MEGF11: variants seen among roughly 807,000 people sequenced by gnomAD.
MEGF11 encodes multiple EGF like domains 11.
A neutral mutation model predicts 146.6 loss-of-function variants in MEGF11; 126 were observed. The ratio of observed to expected loss-of-function variants is 0.86; its 90% CI spans 0.74 to 1.00. MEGF11 has a LOEUF of 1.00. MEGF11 is among the 50% of genes least tolerant of loss of function. The pLI is 0.00. For synonymous variants in MEGF11, 532 were observed against 583.4 expected (o/e 0.91, Z 1.27); for missense variants, 1,509 against 1,521.2 (o/e 0.99, Z 0.13).
chr15:66,038,338 A>G (rs1001123599), intron 5 of MEGF11, among the ~76,000 whole-genome samples: 1 of 152,158 alleles, frequency 6.6e-6, no homozygotes, highest in African/African-American at 2.4e-5. Flanking sequence ...CTATTTGACC[A>G]TGGGCATGTC....
At chr15:66,184,759 G>A (rs1336987655) in intron 1 of MEGF11, among the ~76,000 whole-genome samples, 1 of 151,172 alleles carries the variant, frequency 6.6e-6, no homozygotes, top group Non-Finnish European at 1.5e-5. Flanking sequence ...GTTTCCGTCT[G>A]CTCAGGATCT....
chr15:65,900,559 A>G (rs927976797), intron 24 of MEGF11, among the ~76,000 whole-genome samples: 3 of 152,230 alleles, frequency 2.0e-5, no homozygotes, highest in Admixed American at 6.5e-5. Context: ...ATGTTCAGCC[A>G]TTAGTTCCTT....
chr15:65,954,230 C>T (rs946026756), intron 10 of MEGF11, among the ~76,000 whole-genome samples: 2 of 152,146 alleles, frequency 1.3e-5, no homozygotes, highest in African/African-American at 4.8e-5. Flanking sequence ...AGGATAAAGG[C>T]GCGTACATAC....
chr15:66,127,050 G>A (rs2140953839), intron 2 of MEGF11, among the ~76,000 whole-genome samples: 1 of 152,318 alleles, frequency 6.6e-6, no homozygotes, highest in Middle Eastern at 3.4e-3. Flanking sequence ...AAGCACTTTT[G>A]TGAAACGGCT....
intron 5 of MEGF11, among the ~76,000 whole-genome samples, chr15:66,010,162 A>T (rs1596986095): frequency 1.2e-4 from 1 of 8,148 alleles, no homozygotes; most frequent in Admixed American, 1.5e-3. Flanking sequence ...CTGATTAGCT[A>T]AAAAAAAAAA....
chr15:66,165,508 C>T (rs1321600620), intron 1 of MEGF11, among the ~76,000 whole-genome samples: 1 of 152,270 alleles, frequency 6.6e-6, no homozygotes, highest in East Asian at 1.9e-4. Flanking sequence ...AAAACTCTCT[C>T]GGTCCTTCTC....
chr15:65,982,548 C>T lies in MEGF11; in HGVS notation c.395-60G>A. 1.4e-6 allele frequency: 2 copies of T among 1,415,540 alleles called. No homozygotes were observed. The highest frequency in any genetic ancestry group is 9.2e-7 in the Non-Finnish European group (1 of 1,087,922). The allele number at this position is 1,415,540 out of a possible 1,614,324, so 87.7% of individuals were successfully genotyped here. On this transcript the variant is annotated intron_variant, in intron 5 of 25. Coordinates refer to ENST00000395614, the MANE Select transcript of MEGF11 (RefSeq NM_001385028.1). This position sits in a 1 kb window ranked among gnomAD's most constrained non-coding sequence, Gnocchi z 5.6. ...CCGAAGGCTCTCCTTGGGGCAGGGG[C>T]CAGGAACCGATGCCCATGCGGCCTT...
chr15:66,076,884 T>C (rs868114620), intron 5 of MEGF11, among the ~76,000 whole-genome samples: 1 of 152,202 alleles, frequency 6.6e-6, no homozygotes, highest in Non-Finnish European at 1.5e-5. Context: ...ATGGAGGAAG[T>C]AGAGCATTGC....
At chr15:65,938,030 T>A (rs955179849) in intron 10 of MEGF11, among the ~76,000 whole-genome samples, 2 of 152,198 alleles carry the variant, frequency 1.3e-5, no homozygotes, top group African/African-American at 4.8e-5. Flanking sequence ...GTGTGAGGAA[T>A]GGTAGGAAGG....
chr15:65,929,696 G>A, intron 12 of MEGF11, 24 bp downstream of exon 12: 2 of 1,544,450 alleles, frequency 1.3e-6, no homozygotes, highest in Non-Finnish European at 1.8e-6. Flanking sequence ...AGCCCAACCT[G>A]TCCCTCCCCA....
intron 5 of MEGF11, among the ~76,000 whole-genome samples, chr15:66,007,408 T>C (rs1279290700): frequency 6.6e-6 from 1 of 152,106 alleles, no homozygotes; most frequent in Non-Finnish European, 1.5e-5. Context: ...CAGGGAAAAG[T>C]TGAATAATTT....
At chr15:66,103,133 G>A (rs1165587281) in intron 4 of MEGF11, among the ~76,000 whole-genome samples, 1 of 152,232 alleles carries the variant, frequency 6.6e-6, no homozygotes, top group African/African-American at 2.4e-5. Flanking sequence ...ACAGATGGCT[G>A]GATAGGGGAT....
At chr15:65,981,361 G>A (rs1171214055) in intron 6 of MEGF11, among the ~76,000 whole-genome samples, 3 of 152,198 alleles carry the variant, frequency 2.0e-5, no homozygotes, top group Non-Finnish European at 4.4e-5. Flanking sequence ...TTCCTTCCAG[G>A]CTCAGGAAGG....
In MEGF11 at chr15:65,898,328, G is replaced by A. The variant is rs1239169908; in HGVS notation, c.3263-234C>T. The A allele has an allele frequency of 5.1e-6, 5 of 985,392 alleles. No homozygotes were observed. The East Asian group carries it at 5.7e-4, about 112-fold the overall frequency. The allele number at this position is 985,392 out of a possible 1,614,324, so 61.0% of individuals were successfully genotyped here. On this transcript the variant is annotated intron_variant, in intron 25 of 25. Transcript: ENST00000395614. ...AGGATTTAAAATATCCTAGAGGTAG[G>A]AGTCTTACCAGTGAGCCCAGGGACA...
chr15:66,067,244 T>C (rs954122716), intron 5 of MEGF11, among the ~76,000 whole-genome samples: 22 of 152,238 alleles, frequency 1.4e-4, no homozygotes, highest in African/African-American at 5.1e-4. Context: ...GTCTCGGGCC[T>C]AATGTTTGAC....
chr15:66,139,931 T>A (rs947989806), intron 1 of MEGF11, among the ~76,000 whole-genome samples: 2 of 152,098 alleles, frequency 1.3e-5, no homozygotes, highest in African/African-American at 2.4e-5. Flanking sequence ...TGAGCACCAG[T>A]GTCAAGAGAA....
intron 5 of MEGF11, among the ~76,000 whole-genome samples, chr15:66,004,525 C>T (rs537812181): frequency 5.1e-4 from 77 of 152,144 alleles, no homozygotes; most frequent in Middle Eastern, 3.4e-3. Flanking sequence ...CTCTATTTTC[C>T]TGTATGTCAC....
chr15:65,965,062 A>T lies in MEGF11; in HGVS notation c.958T>A (p.Cys320Ser). The T allele has an allele frequency of 6.3e-7, 1 of 1,596,434 alleles. No homozygotes were observed. Among genetic ancestry groups the T allele is most frequent in the South Asian group, 1.1e-5 (1 of 87,978 alleles). Reference protein sequence around the residue: ...FGFQCSQHCDCHNGGQCSPTT... With the variant: ...FGFQCSQHCDSHNGGQCSPTT... ...GGTGAACACTGCCCCCCATTGTGGC[A>T]GTCACAGTGCTGTGAGCACTGGAAG... Residue 320 changes from cysteine to serine, a missense_variant, in exon 9 of 26, where the codon TGC becomes AGC. Cys to Ser is a moderately radical substitution (Grantham distance 112, BLOSUM62 -1). Coordinates refer to ENST00000395614, the MANE Select transcript of MEGF11 (RefSeq NM_001385028.1).
intron 5 of MEGF11, among the ~76,000 whole-genome samples, chr15:66,029,756 C>T (rs1202762185): frequency 1.3e-5 from 2 of 152,152 alleles, no homozygotes; most frequent in East Asian, 1.9e-4. Context: ...CCCTCCCAGG[C>T]CTTCCTCTTT....
Sources: gnomAD v4.1 joint callset for allele counts (sites outside exome capture counted in the v4.1 genomes callset) on GRCh38, gnomAD v4.1.1 for gene constraint, Gnocchi (gnomAD v3.1) non-coding constraint, MANE v1.5 for transcripts, NCBI Gene and HGNC (gene_info 2026-07-23, HGNC 2026-07-21) for gene names.